Variants in ULK4 observed in about 807,000 individuals in gnomAD.
The protein encoded by ULK4 is unc-51 like kinase 4, also known as inactive serine/threonine-protein kinase ULK4.
In ULK4, 133 loss-of-function variants were observed where a neutral mutation model predicts 160.6. The observed-to-expected ratio is 0.83, with a 90% CI of 0.72 to 0.96. The LOEUF is 0.96. Among genes scored for constraint, ULK4 ranks in the 40% least tolerant of loss-of-function variants. ULK4 has a pLI of 0.00. For synonymous variants in ULK4, 534 were observed against 539.8 expected (o/e 0.99, Z 0.15); for missense variants, 1,580 against 1,499.5 (o/e 1.05, Z -0.89).
chr3:41,858,147 G>GTTTTTTTTTTTTTTT (rs71288052), intron 17 of ULK4, among the ~76,000 whole-genome samples: 283 of 91,964 alleles, frequency 3.1e-3, no homozygotes, highest in Middle Eastern at 6.8e-3. Context: ...TTTTTTGTTT[G>GTTTTTTTTTTTTTTT]TTTTTTTTTT....
intron 2 of ULK4, 87 bp downstream of exon 2, chr3:41,954,535 A>T (rs1700419827): frequency 6.8e-7 from 1 of 1,469,860 alleles, no homozygotes; most frequent in Non-Finnish European, 9.2e-7. Flanking sequence ...TGATATATCA[A>T]ATTCAATGAC....
At chr3:41,661,494 C>CAGATAGAT (rs559616474) in intron 30 of ULK4, among the ~76,000 whole-genome samples, 51 of 134,466 alleles carry the variant, frequency 3.8e-4, no homozygotes, top group Non-Finnish European at 5.9e-4. Context: ...GGCAGATAGA[C>CAGATAGAT]AGATAGATAG....
chr3:41,798,603 T>C lies in ULK4; in HGVS notation c.2010+1529A>G, dbSNP rs551901384. On this transcript the variant is annotated intron_variant, in intron 20 of 36. Coordinates refer to ENST00000301831, the MANE Select transcript of ULK4 (RefSeq NM_017886.4). Reference sequence around the variant, plus strand: ...AAAGTTATTAGTAACCTAAGCAAGATTAGCTTCAGTGGCATTTTTTGGACA... The same window carrying C: ...AAAGTTATTAGTAACCTAAGCAAGACTAGCTTCAGTGGCATTTTTTGGACA... Among the ~76,000 whole-genome samples, 3 of 152,270 alleles carry C rather than the reference T, an allele frequency of 2.0e-5. No individual in the cohort carries two copies. In the South Asian group the frequency reaches 6.2e-4, roughly 32 times the overall value.
intron 34 of ULK4, among the ~76,000 whole-genome samples, chr3:41,439,094 C>A (rs73828030): frequency 1.3e-5 from 2 of 152,210 alleles, no homozygotes; most frequent in East Asian, 1.9e-4. Context: ...TGGGGTTCCC[C>A]GTGAACAAAA....
At chr3:41,266,679 T>A (rs1157168126) in intron 35 of ULK4, among the ~76,000 whole-genome samples, 1 of 152,194 alleles carries the variant, frequency 6.6e-6, no homozygotes, top group East Asian at 1.9e-4. Context: ...GTAAATAGCA[T>A]ACAAGTGCTT....
rs539785183 is a variant in ULK4 at position 41,727,066 on chromosome 3, CA to C, written c.2322-9206del. Among the ~76,000 whole-genome samples, 519 of 152,298 alleles carry C rather than the reference CA, an allele frequency of 3.4e-3. 1 individual carries two copies. Among genetic ancestry groups the C allele is most frequent in the African/African-American group, 0.012 (494 of 41,562 alleles). On this transcript the variant is annotated intron_variant, in intron 22 of 36. Coordinates refer to ENST00000301831, the MANE Select transcript of ULK4 (RefSeq NM_017886.4). ...TGATTCATTCCCTCTAATCTGACCA[CA>C]ATTTTCTTACTCTCATCACCACAGG...
intron 31 of ULK4, among the ~76,000 whole-genome samples, chr3:41,577,324 C>T (rs908402616): frequency 3.9e-5 from 6 of 152,012 alleles, no homozygotes; most frequent in Non-Finnish European, 5.9e-5. Context: ...TAGTTCAATC[C>T]TTTAATTTTT....
At chr3:41,866,528 TCTAATGC>T (rs1182620622) in intron 17 of ULK4, among the ~76,000 whole-genome samples, 1 of 152,200 alleles carries the variant, frequency 6.6e-6, no homozygotes, top group Admixed American at 6.5e-5. Flanking sequence ...CCTATGAGCA[TCTAATGC>T]CACTGCTGAT....
chr3:41,348,113 G>C (rs1380807205), intron 35 of ULK4, among the ~76,000 whole-genome samples: 1 of 150,326 alleles, frequency 6.7e-6, no homozygotes, highest in African/African-American at 2.5e-5. Flanking sequence ...GGAGGCTGAG[G>C]CAGGAGAATC....
intron 35 of ULK4, among the ~76,000 whole-genome samples, chr3:41,353,499 T>C (rs1452414007): frequency 2.0e-5 from 3 of 150,280 alleles, no homozygotes; most frequent in African/African-American, 2.5e-5. Flanking sequence ...AGCCCATTTC[T>C]ACAAAAATTT....
At chr3:41,457,934 G>C (rs904593899) in intron 33 of ULK4, among the ~76,000 whole-genome samples, 4 of 152,196 alleles carry the variant, frequency 2.6e-5, no homozygotes, top group African/African-American at 9.6e-5. Context: ...CAGGGTTTGA[G>C]AGAGGCAATT....
rs192639483 is a variant in ULK4 at position 41,390,146 on chromosome 3, A to T, written c.3678+7933T>A. Among the ~76,000 whole-genome samples, 648 of 152,196 alleles carry T rather than the reference A, an allele frequency of 4.3e-3. 11 individuals carry two copies. Among genetic ancestry groups the T allele is most frequent in the Non-Finnish European group, 4.2e-3 (289 of 68,024 alleles). On this transcript the variant is annotated intron_variant, in intron 35 of 36. Coordinates refer to ENST00000301831, the MANE Select transcript of ULK4 (RefSeq NM_017886.4). ...TTCATCCATTTCTTCTAGATTTTCT[A>T]GTTTATTTGCTTAGAGGTATTTATA... is the stretch of plus-strand genomic sequence containing the variant.
In ULK4 at chr3:41,246,920, C is replaced by T; in HGVS notation, c.*9G>A. On this transcript the variant is annotated 3_prime_UTR_variant, in exon 37 of 37. Coordinates refer to ENST00000301831, the MANE Select transcript of ULK4 (RefSeq NM_017886.4). ...CCACAGGGCGGGCTTGTGCTAAGCA[C>T]CTTCTTGCCTAGTGCCCAACGGCTT... 1 of 1,613,404 alleles carries T rather than the reference C, an allele frequency of 6.2e-7. No homozygotes were observed.
At chr3:41,827,786 C>T (rs1053258556) in intron 18 of ULK4, among the ~76,000 whole-genome samples, 16 of 152,066 alleles carry the variant, frequency 1.1e-4, no homozygotes, top group Non-Finnish European at 7.4e-5. Context: ...GGAATCCTCC[C>T]TAACTCATTT....
chr3:41,744,774 G>T (rs547012145), intron 22 of ULK4, among the ~76,000 whole-genome samples: 1 of 151,694 alleles, frequency 6.6e-6, no homozygotes, highest in Non-Finnish European at 1.5e-5. Context: ...CTTTTCAAGC[G>T]CCCTGTACCA....
intron 4 of ULK4, among the ~76,000 whole-genome samples, chr3:41,934,118 A>C (rs1015459699): frequency 1.3e-5 from 2 of 152,202 alleles, no homozygotes; most frequent in Admixed American, 6.5e-5. Context: ...AATCAAAATA[A>C]TATTTCTAGA....
At chr3:41,726,132 T>C (rs932232998) in intron 22 of ULK4, among the ~76,000 whole-genome samples, 24 of 152,268 alleles carry the variant, frequency 1.6e-4, no homozygotes, top group African/African-American at 5.8e-4. Flanking sequence ...AATTTGATAA[T>C]GTGTTGCTTA....
At chr3:41,623,991 A>G (rs1041236495) in intron 30 of ULK4, among the ~76,000 whole-genome samples, 1 of 152,240 alleles carries the variant, frequency 6.6e-6, no homozygotes, top group Non-Finnish European at 1.5e-5. Flanking sequence ...ATGTTGATAA[A>G]GTTTAAAAAT....
chr3:41,549,250 A>T (rs1435442058), intron 32 of ULK4, among the ~76,000 whole-genome samples: 1 of 151,584 alleles, frequency 6.6e-6, no homozygotes, highest in Non-Finnish European at 1.5e-5. Context: ...AATGATATTA[A>T]AGAGGCTCAG....
Sources: gnomAD v4.1 joint callset for allele counts (sites outside exome capture counted in the v4.1 genomes callset) on GRCh38, gnomAD v4.1.1 for gene constraint, MANE v1.5 for transcripts, NCBI Gene and HGNC (gene_info 2026-07-23, HGNC 2026-07-21) for gene names.